Variants in AAR2 observed in about 807,000 individuals in gnomAD.
AAR2 encodes protein AAR2 homolog.
AAR2 carries 31 observed loss-of-function variants against 26.9 expected under a neutral mutation model. That is an observed-to-expected ratio of 1.15 (90% CI 0.86 to 1.55). The LOEUF (loss-of-function observed/expected upper bound fraction) is 1.55. Ranked by LOEUF, AAR2 falls within the 40% of genes most tolerant of loss-of-function variation. The pLI, the probability that AAR2 is intolerant of heterozygous loss-of-function variation, is 0.00. For synonymous variants in AAR2, 188 were observed against 196.1 expected (o/e 0.96, Z 0.34); for missense variants, 430 against 491.3 (o/e 0.88, Z 1.18).
At chr20:36,249,772 A>G (rs1342112244) in intron 3 of AAR2, among the ~76,000 whole-genome samples, 2 of 152,260 alleles carry the variant, frequency 1.3e-5, no homozygotes, top group Non-Finnish European at 2.9e-5. Flanking sequence ...CAAAATCAAC[A>G]GAGCTAGTGA....
chr20:36,254,267 G>C (rs2064802481), intron 3 of AAR2, among the ~76,000 whole-genome samples: 1 of 152,230 alleles, frequency 6.6e-6, no homozygotes, highest in Non-Finnish European at 1.5e-5. Context: ...GCCTTCAAAA[G>C]AAAGGAAATT....
intron 3 of AAR2, among the ~76,000 whole-genome samples, chr20:36,246,134 G>T (rs1267928279): frequency 1.3e-5 from 2 of 152,162 alleles, no homozygotes; most frequent in Admixed American, 6.5e-5. Flanking sequence ...CAGCTGGCAG[G>T]TGGAGGTCAG....
intron 3 of AAR2, among the ~76,000 whole-genome samples, chr20:36,251,369 A>G (rs2064778935): frequency 6.6e-6 from 1 of 152,188 alleles, no homozygotes; most frequent in Admixed American, 6.5e-5. Flanking sequence ...TAAAAAATAA[A>G]TAAAATAAAA....
chr20:36,255,768 G>T lies in AAR2; in HGVS notation c.*23G>T, dbSNP rs371729424. 5.0e-6 allele frequency: 8 copies of T among 1,613,204 alleles called. No individual in the cohort carries two copies. The East Asian group carries it at 6.7e-5, about 13-fold the overall frequency. Reference sequence around the variant, plus strand: ...TAACTCGGGGAGCGCTCTCAGCTGCGAGGGGCCCCTTCCCACAGGGCTGCA... The same window carrying T: ...TAACTCGGGGAGCGCTCTCAGCTGCTAGGGGCCCCTTCCCACAGGGCTGCA... On this transcript the variant is annotated 3_prime_UTR_variant, in exon 4 of 4. Transcript: ENST00000320849.
At chr20:36,252,897 C>A (rs562110654) in intron 3 of AAR2, among the ~76,000 whole-genome samples, 1 of 152,192 alleles carries the variant, frequency 6.6e-6, no homozygotes, top group Non-Finnish European at 1.5e-5. Context: ...TTGCTCCAGG[C>A]GGGCTCCACT....
intron 3 of AAR2, among the ~76,000 whole-genome samples, chr20:36,246,625 A>G (rs2147293228): frequency 6.6e-6 from 1 of 152,320 alleles, no homozygotes; most frequent in East Asian, 1.9e-4. Context: ...TCGCACAGAC[A>G]CAGGAGGGCC....
At chr20:36,240,846 A>G (rs2064673812) in intron 2 of AAR2, among the ~76,000 whole-genome samples, 1 of 152,288 alleles carries the variant, frequency 6.6e-6, no homozygotes, top group Admixed American at 6.5e-5. Flanking sequence ...CAAACATCCT[A>G]GGTGAACCTG....
Position 36,240,398 on chromosome 20 carries a change from A to T in AAR2, c.530A>T (p.Asn177Ile), listed in dbSNP as rs747984876. Residue 177 changes from asparagine to isoleucine, a missense_variant, in exon 2 of 4, where the codon AAT becomes ATT. Transcript: ENST00000320849. ...CACACCAAGGACCGCGTGGGGCAGA[A>T]TCTACCCCGCTGTGGCATTGAGTGC... ...MKHTKDRVGQ[N>I]LPRCGIECKS... is the part of the protein sequence containing the mutation. The T allele has an allele frequency of 8.7e-6, 14 of 1,614,136 alleles. No homozygotes were observed. Among genetic ancestry groups the T allele is most frequent in the African/African-American group, 1.3e-5 (1 of 74,942 alleles).
In AAR2 at chr20:36,239,988, G is replaced by C. The variant is rs1428030070; in HGVS notation, c.120G>C (p.Glu40Asp). ...TEFGIDYNSWEVGPKFRGVKM... is the reference protein window; with the variant it reads ...TEFGIDYNSWDVGPKFRGVKM... ...TTGGGATTGACTATAACTCCTGGGA[G>C]GTCGGGCCCAAGTTCCGGGGCGTGA... Residue 40 changes from glutamate to aspartate, a missense_variant, in exon 2 of 4, where the codon GAG (glutamate) becomes GAC (aspartate). Physicochemically the swap from Glu to Asp is conservative, Grantham distance 45. Transcript: ENST00000320849. 29 of 1,614,236 alleles carry C rather than the reference G, an allele frequency of 1.8e-5. No individual in the cohort carries two copies. Among genetic ancestry groups the C allele is most frequent in the Non-Finnish European group, 2.2e-5 (26 of 1,180,050 alleles).
chr20:36,240,701 A>C, intron 2 of AAR2, 76 bp downstream of exon 2: 3 of 1,504,706 alleles, frequency 2.0e-6, no homozygotes, highest in Non-Finnish European at 2.7e-6. Flanking sequence ...TAGGGAGTAC[A>C]TCTTGTGTTA....
intron 3 of AAR2, among the ~76,000 whole-genome samples, chr20:36,253,721 T>C (rs2064797937): frequency 2.0e-5 from 3 of 152,286 alleles, no homozygotes; most frequent in Admixed American, 6.5e-5. Context: ...ATCCAGAATA[T>C]ATAAAGAACT....
In AAR2 at chr20:36,239,896, C is replaced by G. The variant is rs750177454; in HGVS notation, c.28C>G (p.Leu10Val). Reference sequence around the variant, plus strand: ...GGCTGCCGTGCAGATGGATCCTGAGCTAGCCAAGCGCCTCTTCTTTGAAGG... The same window carrying G: ...GGCTGCCGTGCAGATGGATCCTGAGGTAGCCAAGCGCCTCTTCTTTGAAGG... The part of the protein sequence containing the change: MAAVQMDPE[L>V]AKRLFFEGAT... The change falls in exon 2 of 4, where the codon CTA becomes GTA. Residue 10 changes from leucine to valine, a missense_variant. By Grantham distance (32) the Leu-to-Val change is conservative. Coordinates refer to ENST00000320849, the MANE Select transcript of AAR2 (RefSeq NM_001271874.2). The G allele has an allele frequency of 3.1e-6, 5 of 1,603,560 alleles. No individual in the cohort carries two copies.
chr20:36,255,504 G>A (rs2064812520), intron 3 of AAR2, 74 bp from the exon 4 acceptor site: 1 of 1,558,532 alleles, frequency 6.4e-7, no homozygotes, highest in African/African-American at 1.4e-5. Flanking sequence ...CGAACACCAT[G>A]AGGAAATTTC....
At chr20:36,241,908 G>A (rs541667350) in intron 2 of AAR2, among the ~76,000 whole-genome samples, 7 of 152,266 alleles carry the variant, frequency 4.6e-5, no homozygotes, top group African/African-American at 1.7e-4. Context: ...TGGCTGGTAG[G>A]AACCTGTTGC....
chr20:36,240,019 A>T lies in AAR2; in HGVS notation c.151A>T (p.Ile51Phe), dbSNP rs2064659187. The T allele has an allele frequency of 2.0e-5, 32 of 1,614,080 alleles. No individual in the cohort carries two copies. Among genetic ancestry groups the T allele is most frequent in the Non-Finnish European group, 2.6e-5 (31 of 1,180,052 alleles). Reference protein sequence around the residue: ...VGPKFRGVKMIPPGIHFLHYS... With the variant: ...VGPKFRGVKMFPPGIHFLHYS... ...GCCCAAGTTCCGGGGCGTGAAGATG[A>T]TCCCTCCAGGCATCCACTTCCTCCA... The change falls in exon 2 of 4, where the codon ATC becomes TTC. Residue 51 changes from isoleucine (I) to phenylalanine (F), a missense_variant. Ile to Phe is a conservative substitution (Grantham distance 21). Transcript: ENST00000320849.
At chr20:36,251,621 A>G (rs938829735) in intron 3 of AAR2, among the ~76,000 whole-genome samples, 13 of 152,238 alleles carry the variant, frequency 8.5e-5, no homozygotes, top group African/African-American at 3.1e-4. Context: ...GACTCTGCTC[A>G]GCATTTGTCA....
rs1278829782 is a variant in AAR2 at position 36,255,758 on chromosome 20, T to C, written c.*13T>C. 1 of 1,613,762 alleles carries C rather than the reference T, an allele frequency of 6.2e-7. No homozygotes were observed. Among genetic ancestry groups the C allele is most frequent in the East Asian group, 2.2e-5 (1 of 44,860 alleles). On this transcript the variant is annotated 3_prime_UTR_variant, in exon 4 of 4. Coordinates refer to ENST00000320849, the MANE Select transcript of AAR2 (RefSeq NM_001271874.2). ...CGAGATGGGCTAACTCGGGGAGCGC[T>C]CTCAGCTGCGAGGGGCCCCTTCCCA...
At chr20:36,243,790 T>C (rs1432929203) in intron 2 of AAR2, among the ~76,000 whole-genome samples, 1 of 152,218 alleles carries the variant, frequency 6.6e-6, no homozygotes, top group Non-Finnish European at 1.5e-5. Context: ...AACCCTCAAA[T>C]AAGGAAATTG....
At position 36,248,695 on chromosome 20, in the gene AAR2, A is replaced by C. The variant is rs546658563; in HGVS notation, c.987+3769A>C. ...GTTCATAATTCTTGTGACAATGTAA[A>C]TATCATAGGTATAAACAGTGGAGTC... On this transcript the variant is annotated intron_variant, in intron 3 of 3. Coordinates refer to ENST00000320849, the MANE Select transcript of AAR2 (RefSeq NM_001271874.2). Among the ~76,000 whole-genome samples the C allele has an allele frequency of 2.6e-5, 4 of 152,170 alleles. No homozygotes were observed. In the East Asian group the frequency reaches 7.7e-4, roughly 29 times the overall value.
Sources: allele counts gnomAD v4.1 joint callset (sites outside exome capture counted in the v4.1 genomes callset), GRCh38; gene constraint gnomAD v4.1.1; transcripts MANE v1.5; gene names NCBI Gene and HGNC (gene_info 2026-07-23, HGNC 2026-07-21).